Variants in BRMS1 observed in about 807,000 individuals in gnomAD.
The protein encoded by BRMS1 is breast cancer metastasis-suppressor 1.
BRMS1 carries 26 observed loss-of-function variants against 40.4 expected under a neutral mutation model. The ratio of observed to expected loss-of-function variants is 0.64; its 90% CI spans 0.47 to 0.89. The LOEUF is 0.89. Ranked by LOEUF, BRMS1 falls within the 40% of genes least tolerant of loss-of-function variation. The pLI, the probability that BRMS1 is intolerant of heterozygous loss-of-function variation, is 0.00. For missense variants in BRMS1, 289 were observed against 309.4 expected, an observed-to-expected ratio of 0.93 and a Z score of 0.49; for synonymous variants, 103 against 116.0, an observed-to-expected ratio of 0.89 and a Z score of 0.72.
chr11:66,341,253 G>A lies in BRMS1; in HGVS notation c.311C>T (p.Pro104Leu). 6.2e-7 allele frequency: 1 copy of A among 1,613,614 alleles called. No homozygotes were observed. The highest frequency in any genetic ancestry group is 8.5e-7 in the Non-Finnish European group (1 of 1,179,730). Reference protein sequence around the residue: ...GAERAPEYTEPLGGLQRSLKI... With the variant: ...GAERAPEYTELLGGLQRSLKI... Reference sequence around the variant, plus strand: ...GAGGCTCCGCTGCAGCCCCCCAAGGGGCTCCGTGTATTCAGGGGCTCTCTC... The same window carrying A: ...GAGGCTCCGCTGCAGCCCCCCAAGGAGCTCCGTGTATTCAGGGGCTCTCTC... The change falls in exon 4 of 10, where the codon CCC (proline) becomes CTC (leucine). Residue 104 changes from proline (P) to leucine (L), a missense_variant. Coordinates refer to ENST00000359957, the MANE Select transcript of BRMS1 (RefSeq NM_015399.4). This position sits in a 1 kb window ranked among gnomAD's most constrained non-coding sequence, Gnocchi z 4.9.
chr11:66,343,473 C>T (rs369649474), intron 1 of BRMS1, among the ~76,000 whole-genome samples: 1 of 152,122 alleles, frequency 6.6e-6, no homozygotes, highest in African/African-American at 2.4e-5. Context: ...AAGGAGCACA[C>T]TATAACCATG....
Position 66,337,373 on chromosome 11 carries a change from C to G in BRMS1, c.*509G>C, listed in dbSNP as rs111258661. ...AGGTTTTAATTCCAGTCCTTGGAATCTGAGAAGCAGACACCAAGAACTGCC... is the reference window on the plus strand; with the variant it reads ...AGGTTTTAATTCCAGTCCTTGGAATGTGAGAAGCAGACACCAAGAACTGCC... On this transcript the variant is annotated 3_prime_UTR_variant, in exon 10 of 10. Transcript: ENST00000359957. 3.6e-4 allele frequency: 138 copies of G among 387,732 alleles called. 1 individual carries two copies. The highest frequency in any genetic ancestry group is 2.4e-3 in the African/African-American group (120 of 50,608). 24.0% of individuals were successfully genotyped at this position (387,732 alleles called of 1,614,324 possible). A position where few individuals can be genotyped will look rare whatever the true frequency, so the allele number is the denominator to read the frequency against.
Position 66,341,434 on chromosome 11 carries a change from C to A in BRMS1, c.230+99G>T. 2 of 1,601,704 alleles carry A rather than the reference C, an allele frequency of 1.2e-6. No individual in the cohort carries two copies. The highest frequency in any genetic ancestry group is 8.5e-7 in the Non-Finnish European group (1 of 1,170,704). On this transcript the variant is annotated intron_variant, in intron 3 of 9. Coordinates refer to ENST00000359957, the MANE Select transcript of BRMS1 (RefSeq NM_015399.4). The surrounding 1 kb of genome is among the most constrained non-coding windows in gnomAD (Gnocchi z 4.9). ...TCCACAGCAAGCCCGGTGTTAGGCGCGCACTTCCTGGGCACCAACCACGCC... is the reference window on the plus strand; with the variant it reads ...TCCACAGCAAGCCCGGTGTTAGGCGAGCACTTCCTGGGCACCAACCACGCC...
chr11:66,343,397 T>C (rs2134968644), intron 1 of BRMS1, among the ~76,000 whole-genome samples: 1 of 152,342 alleles, frequency 6.6e-6, no homozygotes, highest in East Asian at 1.9e-4. Flanking sequence ...CGCTATGGTA[T>C]GCAGGCGCCC....
chr11:66,338,450 C>T, intron 8 of BRMS1, 168 bp from the exon 9 acceptor site: 1 of 1,510,752 alleles, frequency 6.6e-7, no homozygotes, highest in Non-Finnish European at 8.9e-7. Context: ...GACTGCTGGC[C>T]AGCTCAGCGG....
At chr11:66,338,648 C>A (rs1321962899) in intron 8 of BRMS1, 73 bp downstream of exon 8, 1 of 1,611,258 alleles carries the variant, frequency 6.2e-7, no homozygotes, top group Admixed American at 1.7e-5. Flanking sequence ...CCCAGGCCTG[C>A]AGATGGCAGA....
At chr11:66,337,959 T>C (rs1329031698) in intron 9 of BRMS1, 70 bp from the exon 10 acceptor site, 12 of 1,533,912 alleles carry the variant, frequency 7.8e-6, no homozygotes, top group South Asian at 1.2e-5. Context: ...AGCCACTTAC[T>C]GAGTGGCTTT....
chr11:66,342,030 T>C, intron 2 of BRMS1, 66 bp downstream of exon 2: 1 of 1,524,488 alleles, frequency 6.6e-7, no homozygotes, highest in Middle Eastern at 1.7e-4. Flanking sequence ...AGGGGCTGTG[T>C]GTGTGCATGT....
At chr11:66,340,310 C>G in intron 6 of BRMS1, 97 bp from the exon 7 acceptor site, 1 of 1,043,110 alleles carries the variant, frequency 9.6e-7, no homozygotes, top group Non-Finnish European at 1.4e-6. Flanking sequence ...CTGGCCTCAT[C>G]TCCCCTGTCC....
intron 1 of BRMS1, among the ~76,000 whole-genome samples, chr11:66,342,681 C>T (rs1180628396): frequency 6.6e-6 from 1 of 152,222 alleles, no homozygotes; most frequent in East Asian, 1.9e-4. Context: ...ATTCTCCTGC[C>T]TCAGCCTCCT....
rs543530108 is a variant in BRMS1 at position 66,345,083 on chromosome 11, T to A, written c.-119A>T. 33 of 152,242 alleles carry A rather than the reference T, an allele frequency of 2.2e-4. No individual in the cohort carries two copies. The highest frequency in any genetic ancestry group is 4.0e-4 in the Non-Finnish European group (27 of 68,050). The allele number at this position is 152,242 out of a possible 1,614,324, so 9.4% of individuals were successfully genotyped here. On this transcript the variant is annotated 5_prime_UTR_variant, in exon 1 of 10. Coordinates refer to ENST00000359957, the MANE Select transcript of BRMS1 (RefSeq NM_015399.4). Reference sequence around the variant, plus strand: ...CCGTAGGCGCTGCGCGGCTCCCTTTTCTTCGGGAGGCAGAGCCTATCGGTG... The same window carrying A: ...CCGTAGGCGCTGCGCGGCTCCCTTTACTTCGGGAGGCAGAGCCTATCGGTG...
Position 66,342,120 on chromosome 11 carries a change from T to G in BRMS1, c.115A>C (p.Thr39Pro). 1 of 1,613,728 alleles carries G rather than the reference T, an allele frequency of 6.2e-7. No homozygotes were observed. ...ESEEERSGSQ[T>P]ESEEESSEMD... ...CCGGAGCTCTCCTCTTCTGACTCTG[T>G]CTGGCTGCCGCTCCGCTCCTCCTCA... The change falls in exon 2 of 10, where the codon ACA becomes CCA. Residue 39 changes from threonine (T) to proline (P), a missense_variant. Physicochemically the swap from Thr to Pro is conservative, Grantham distance 38. Coordinates refer to ENST00000359957, the MANE Select transcript of BRMS1 (RefSeq NM_015399.4).
intron 8 of BRMS1, 54 bp downstream of exon 8, chr11:66,338,667 C>T (rs760679268): frequency 6.8e-5 from 109 of 1,613,180 alleles, no homozygotes; most frequent in Non-Finnish European, 8.4e-5. Flanking sequence ...GAGCTGCTGC[C>T]AGGGTGGGGG....
chr11:66,338,894 G>A (rs1472778197), intron 7 of BRMS1, 109 bp from the exon 8 acceptor site: 3 of 1,161,952 alleles, frequency 2.6e-6, no homozygotes, highest in African/African-American at 3.1e-5. Flanking sequence ...AGTGGGAGCT[G>A]AGGACCTGGG....
chr11:66,343,125 T>C (rs1477685580), intron 1 of BRMS1, among the ~76,000 whole-genome samples: 1 of 152,190 alleles, frequency 6.6e-6, no homozygotes, highest in African/African-American at 2.4e-5. Context: ...ACTGCTCCAT[T>C]TGCCACTTCA....
Position 66,337,779 on chromosome 11 carries a change from G to A in BRMS1, c.*103C>T, listed in dbSNP as rs749753398. On this transcript the variant is annotated 3_prime_UTR_variant, in exon 10 of 10. Coordinates refer to ENST00000359957, the MANE Select transcript of BRMS1 (RefSeq NM_015399.4). ...AGCACCACAGGAGCCTGGCTGGGCAGACCCTGAGGGGCCTGTGGGTCCGCC... is the reference window on the plus strand; with the variant it reads ...AGCACCACAGGAGCCTGGCTGGGCAAACCCTGAGGGGCCTGTGGGTCCGCC... 11 of 1,613,754 alleles carry A rather than the reference G, an allele frequency of 6.8e-6. No individual in the cohort carries two copies. Among genetic ancestry groups the A allele is most frequent in the South Asian group, 1.1e-5 (1 of 91,068 alleles).
At chr11:66,342,840 A>G (rs1015299270) in intron 1 of BRMS1, among the ~76,000 whole-genome samples, 1 of 152,198 alleles carries the variant, frequency 6.6e-6, no homozygotes, top group Non-Finnish European at 1.5e-5. Context: ...CACTTCCACT[A>G]TCCACCCTCT....
rs1854952296 is a variant in BRMS1 at position 66,337,692 on chromosome 11, A to G, written c.*190T>C. On this transcript the variant is annotated 3_prime_UTR_variant, in exon 10 of 10. Transcript: ENST00000359957. ...GTCAGCTCCACGGCCACAGCTGTGC[A>G]GGCCTCGAGGAGGGCAGAGGAGGAG... The G allele has an allele frequency of 6.3e-7, 1 of 1,589,688 alleles. No individual in the cohort carries two copies. The highest frequency in any genetic ancestry group is 2.3e-5 in the East Asian group (1 of 43,536).
At chr11:66,338,177 AAGCTG>A in intron 9 of BRMS1, 61 bp downstream of exon 9, 1 of 1,585,068 alleles carries the variant, frequency 6.3e-7, no homozygotes, top group Non-Finnish European at 8.6e-7. Flanking sequence ...TCCTTCCTGG[AAGCTG>A]AGCTGAGGAA....
Sources: allele counts gnomAD v4.1 joint callset (sites outside exome capture counted in the v4.1 genomes callset), GRCh38; gene constraint gnomAD v4.1.1; non-coding constraint Gnocchi (gnomAD v3.1); transcripts MANE v1.5; gene names NCBI Gene and HGNC (gene_info 2026-07-23, HGNC 2026-07-21).